Variants in SAMD5 observed in about 807,000 individuals in gnomAD.
SAMD5 encodes sterile alpha motif domain containing 5, also known as sterile alpha motif domain-containing protein 5.
In SAMD5, 13 loss-of-function variants were observed where a neutral mutation model predicts 11.3. The ratio of observed to expected loss-of-function variants is 1.15; its 90% CI spans 0.75 to 1.83. The LOEUF (loss-of-function observed/expected upper bound fraction) is 1.83. SAMD5 is among the 40% of genes most tolerant of loss of function. The probability of loss-of-function intolerance (pLI) is 0.00; values close to 1 mark genes in which losing one functional copy is unlikely to be tolerated. For missense variants in SAMD5, 255 were observed against 239.1 expected (o/e 1.07, Z -0.44); for synonymous variants, 129 against 111.3 (o/e 1.16, Z -1.00).
the SAMD5 span, among the ~76,000 whole-genome samples, chr6:147,901,993 C>T: frequency 5.3e-5 from 8 of 152,156 alleles, no homozygotes; most frequent in Admixed American, 5.2e-4. Context: ...CACCTGTCCT[C>T]ATTCTTCCTT....
chr6:147,515,130 C>T (rs987750307), intron 1 of SAMD5, among the ~76,000 whole-genome samples: 2 of 147,424 alleles, frequency 1.4e-5, no homozygotes, highest in African/African-American at 4.9e-5. Context: ...CAGCTTTCTC[C>T]AACTCAATCA....
the SAMD5 span, among the ~76,000 whole-genome samples, chr6:147,935,093 G>A: frequency 2.8e-4 from 42 of 152,266 alleles, no homozygotes; most frequent in Middle Eastern, 6.8e-3. Flanking sequence ...TTTAGCAAAC[G>A]TACAGCAAGT....
the SAMD5 span, among the ~76,000 whole-genome samples, chr6:147,812,586 T>G: frequency 0.01 from 1,530 of 152,236 alleles, 28 homozygotes; most frequent in African/African-American, 0.035. Context: ...TGCCCCAAAT[T>G]TTTAAAACCC....
the SAMD5 span, among the ~76,000 whole-genome samples, chr6:147,864,184 A>ATG: frequency 6.6e-6 from 1 of 152,050 alleles, no homozygotes; most frequent in South Asian, 2.1e-4. Context: ...ATCTTCACCT[A>ATG]TGTGTGTGGA....
At chr6:147,621,321 TTTG>T (rs1343808089) in intron 1 of SAMD5, among the ~76,000 whole-genome samples, 2 of 152,114 alleles carry the variant, frequency 1.3e-5, no homozygotes, top group African/African-American at 4.8e-5. Flanking sequence ...CCGGAGGTGT[TTTG>T]GAAAGATAGT....
chr6:147,811,745 T>C, the SAMD5 span, among the ~76,000 whole-genome samples: 14 of 151,220 alleles, frequency 9.3e-5, no homozygotes, highest in African/African-American at 2.9e-4. Flanking sequence ...CTTTAGATAC[T>C]GAGAATGAGT....
chr6:147,732,603 A>G (rs1441007551), intron 1 of SAMD5, among the ~76,000 whole-genome samples: 1 of 152,198 alleles, frequency 6.6e-6, no homozygotes, highest in Non-Finnish European at 1.5e-5. Flanking sequence ...ACCCACTATG[A>G]AAAATGAATA....
intron 1 of SAMD5, among the ~76,000 whole-genome samples, chr6:147,544,416 T>A (rs1344593627): frequency 6.6e-6 from 1 of 152,226 alleles, no homozygotes; most frequent in African/African-American, 2.4e-5. Context: ...AAGAAGTGAT[T>A]ATTAAGTTAT....
chr6:147,845,380 C>G, the SAMD5 span, among the ~76,000 whole-genome samples: 1 of 152,130 alleles, frequency 6.6e-6, no homozygotes, highest in African/African-American at 2.4e-5. Context: ...ATAGTCTATA[C>G]AAGGAAAATT....
chr6:147,893,143 A>G, the SAMD5 span, among the ~76,000 whole-genome samples: 1 of 151,794 alleles, frequency 6.6e-6, no homozygotes, highest in African/African-American at 2.4e-5. Flanking sequence ...CAGAGGTTGC[A>G]GTGAGCCAAG....
Position 147,509,392 on chromosome 6 carries a change from G to C in SAMD5, c.459+5G>C, listed in dbSNP as rs1275009032. 1.3e-6 allele frequency: 2 copies of C among 1,525,076 alleles called. No individual in the cohort carries two copies. The highest frequency in any genetic ancestry group is 2.5e-5 in the South Asian group (2 of 80,238). The allele number at this position is 1,525,076 out of a possible 1,614,324, so 94.5% of individuals were successfully genotyped here. A position where few individuals can be genotyped will look rare whatever the true frequency, so the allele number is the denominator to read the frequency against. ...AAGCCCCCGTACTCCCGCAAGGTAA[G>C]GAGGTGCCGTCCGGGCGGCCCGGGG... On this transcript the variant is annotated splice_donor_5th_base_variant and intron_variant, in intron 1 of 1. Coordinates refer to ENST00000367474, the MANE Select transcript of SAMD5 (RefSeq NM_001030060.3).
intron 1 of SAMD5, among the ~76,000 whole-genome samples, chr6:147,603,908 A>G (rs1467412358): frequency 6.6e-6 from 1 of 152,196 alleles, no homozygotes; most frequent in Admixed American, 6.5e-5. Context: ...TAGTCTCTGT[A>G]TGCTTCTAGC....
At chr6:147,812,816 A>T in the SAMD5 span, among the ~76,000 whole-genome samples, 1 of 152,188 alleles carries the variant, frequency 6.6e-6, no homozygotes, top group Admixed American at 6.5e-5. Context: ...TATAGTTATG[A>T]TAGTATATGT....
At chr6:147,615,388 T>A (rs922766894) in intron 1 of SAMD5, among the ~76,000 whole-genome samples, 1 of 152,198 alleles carries the variant, frequency 6.6e-6, no homozygotes, top group Non-Finnish European at 1.5e-5. Flanking sequence ...AGTTCTGAAT[T>A]TAAGATTAGA....
intron 1 of SAMD5, among the ~76,000 whole-genome samples, chr6:147,554,860 G>A (rs1788829508): frequency 6.6e-6 from 1 of 152,210 alleles, no homozygotes. Context: ...GTATAGAGCA[G>A]TAGTTCTCAA....
chr6:147,639,773 T>A (rs1790282546), intron 1 of SAMD5, among the ~76,000 whole-genome samples: 1 of 152,210 alleles, frequency 6.6e-6, no homozygotes, highest in Admixed American at 6.5e-5. Flanking sequence ...TTCAGATTGA[T>A]CAGTTTGAAC....
intron 1 of SAMD5, among the ~76,000 whole-genome samples, chr6:147,539,143 C>A (rs1259106261): frequency 6.6e-6 from 1 of 152,150 alleles, no homozygotes; most frequent in Non-Finnish European, 1.5e-5. Flanking sequence ...CAAAATTAGG[C>A]GTGCCATTTT....
the SAMD5 span, among the ~76,000 whole-genome samples, chr6:147,950,160 C>T: frequency 1.3e-5 from 2 of 152,154 alleles, no homozygotes; most frequent in Non-Finnish European, 2.9e-5. Flanking sequence ...AGAGAAAACA[C>T]AGTTTATTTT....
intron 1 of SAMD5, among the ~76,000 whole-genome samples, chr6:147,536,067 T>A (rs1184434378): frequency 6.6e-6 from 1 of 151,788 alleles, no homozygotes; most frequent in East Asian, 1.9e-4. Context: ...CACTGCAAGC[T>A]CCACCTCCCG....
Sources: allele counts gnomAD v4.1 joint callset (sites outside exome capture counted in the v4.1 genomes callset), GRCh38; gene constraint gnomAD v4.1.1; transcripts MANE v1.5; gene names NCBI Gene and HGNC (gene_info 2026-07-23, HGNC 2026-07-21).